Variants in TINAG observed in about 807,000 individuals in gnomAD.
The protein encoded by TINAG is tubulointerstitial nephritis antigen.
Under a neutral mutation model 72.7 loss-of-function variants are expected in TINAG, and 83 were observed. The ratio of observed to expected loss-of-function variants is 1.14; its 90% CI spans 0.96 to 1.37. The LOEUF (loss-of-function observed/expected upper bound fraction) is 1.37, where lower values mean the gene tolerates loss of function less well. Ranked by LOEUF, TINAG falls within the 40% of genes most tolerant of loss-of-function variation. TINAG has a pLI of 0.00. For missense variants in TINAG, 685 were observed against 576.6 expected (o/e 1.19, Z -1.93); for synonymous variants, 234 against 189.9 (o/e 1.23, Z -1.91).
chr6:54,317,897 CATTACCAA>C (rs1208515827), intron 1 of TINAG, among the ~76,000 whole-genome samples: 7 of 152,152 alleles, frequency 4.6e-5, no homozygotes, highest in African/African-American at 1.7e-4. Flanking sequence ...GCAATTCCTA[CATTACCAA>C]ATGCAATATT....
intron 9 of TINAG, among the ~76,000 whole-genome samples, chr6:54,361,110 A>C (rs191288308): frequency 1.3e-5 from 2 of 151,090 alleles, no homozygotes; most frequent in African/African-American, 4.8e-5. Context: ...TTGATTGTTA[A>C]ATATTGTGTA....
Position 54,321,398 on chromosome 6 carries a change from C to A in TINAG, c.509+12C>A, listed in dbSNP as rs778251912. 32 of 1,590,228 alleles carry A rather than the reference C, an allele frequency of 2.0e-5. No homozygotes were observed. The East Asian group carries it at 4.5e-4, about 22-fold the overall frequency. The stretch of plus-strand genomic sequence containing the variant: ...AAAGGAGACTATGGGTGAGAGAAAT[C>A]TTGCTTTGTATGTTTCTTGACACTG... On this transcript the variant is annotated intron_variant, in intron 3 of 10. Coordinates refer to ENST00000259782, the MANE Select transcript of TINAG (RefSeq NM_014464.4).
rs147565089 is a variant in TINAG at position 54,352,534 on chromosome 6, A to G, written c.1126+1137A>G. 1.3e-3 allele frequency among the ~76,000 whole-genome samples: 201 copies of G among 151,834 alleles called. 2 individuals are homozygous for G. The highest frequency in any genetic ancestry group is 4.3e-3 in the African/African-American group (178 of 41,488). On this transcript the variant is annotated intron_variant, in intron 8 of 10. Transcript: ENST00000259782. ...TTGTTGGTTATTTGAAGAGTGAGGG[A>G]ATTAATCTCTAATTTCAATGCATGC...
rs142670394 is a variant in TINAG at position 54,310,839 on chromosome 6, C to T, written c.355+1934C>T. Among the ~76,000 whole-genome samples the T allele has an allele frequency of 5.9e-3, 770 of 131,136 alleles. 4 individuals are homozygous for T. The highest frequency in any genetic ancestry group is 0.023 in the Middle Eastern group (5 of 220). The allele number at this position is 131,136 out of a possible 152,430, so 86.0% of individuals were successfully genotyped here. A position where few individuals can be genotyped will look rare whatever the true frequency, so the allele number is the denominator to read the frequency against. On this transcript the variant is annotated intron_variant, in intron 1 of 10. Coordinates refer to ENST00000259782, the MANE Select transcript of TINAG (RefSeq NM_014464.4). The stretch of plus-strand genomic sequence containing the variant: ...CCCTCTTTCTTTCTCTTTCTTTTTT[C>T]TCTCTCTCTTTCTCTCGCTCTTTCT...
chr6:54,319,138 C>A (rs900741037), intron 1 of TINAG, among the ~76,000 whole-genome samples: 4 of 152,036 alleles, frequency 2.6e-5, no homozygotes, highest in Non-Finnish European at 5.9e-5. Context: ...ATATGTTGAA[C>A]ACTCAAGATT....
chr6:54,367,733 T>C (rs1763476842), intron 9 of TINAG, among the ~76,000 whole-genome samples: 1 of 151,870 alleles, frequency 6.6e-6, no homozygotes, highest in African/African-American at 2.4e-5. Context: ...TCATTATGCA[T>C]TGAAAGCTGT....
intron 7 of TINAG, 85 bp downstream of exon 7, chr6:54,349,981 A>G (rs3736350): frequency 1.2e-6 from 1 of 803,134 alleles, no homozygotes; most frequent in African/African-American, 1.8e-5. Context: ...TTAAAAACTA[A>G]TTAAAACTAT....
At chr6:54,325,238 C>T (rs1036242983) in intron 3 of TINAG, among the ~76,000 whole-genome samples, 1 of 152,228 alleles carries the variant, frequency 6.6e-6, no homozygotes, top group African/African-American at 2.4e-5. Flanking sequence ...ACAAATGGCA[C>T]ATGCCAAAGT....
intron 4 of TINAG, among the ~76,000 whole-genome samples, chr6:54,339,332 T>C (rs995103317): frequency 1.3e-5 from 2 of 152,218 alleles, no homozygotes; most frequent in African/African-American, 4.8e-5. Context: ...TGTCCTTCCA[T>C]TGCCCAGCAC....
intron 4 of TINAG, among the ~76,000 whole-genome samples, chr6:54,330,444 A>G (rs925137530): frequency 2.6e-5 from 4 of 152,240 alleles, no homozygotes; most frequent in African/African-American, 9.6e-5. Context: ...TCTCTGGGAC[A>G]CAGCTAAAAC....
chr6:54,380,698 T>A (rs1763920118), intron 10 of TINAG, 127 bp downstream of exon 10: 11 of 579,870 alleles, frequency 1.9e-5, no homozygotes, highest in Non-Finnish European at 2.3e-5. Context: ...ATAACATCAG[T>A]GTTTTCGCCA....
chr6:54,310,847 C>A (rs1481959142), intron 1 of TINAG, among the ~76,000 whole-genome samples: 14 of 144,514 alleles, frequency 9.7e-5, no homozygotes, highest in South Asian at 6.6e-4. Flanking sequence ...TTCTCTCTCT[C>A]TTTCTCTCGC....
At chr6:54,319,927 T>A (rs1191771624) in intron 1 of TINAG, among the ~76,000 whole-genome samples, 1 of 152,150 alleles carries the variant, frequency 6.6e-6, no homozygotes, top group Non-Finnish European at 1.5e-5. Flanking sequence ...TACTAGTGGT[T>A]TTTATATGAT....
intron 1 of TINAG, among the ~76,000 whole-genome samples, chr6:54,310,576 TTCTTC>T (rs1355327594): frequency 6.7e-6 from 1 of 149,146 alleles, no homozygotes; most frequent in African/African-American, 2.5e-5. Context: ...CCCTCTCTCT[TTCTTC>T]TCTTCTTTCT....
intron 4 of TINAG, among the ~76,000 whole-genome samples, chr6:54,338,299 C>T (rs923849956): frequency 4.6e-5 from 7 of 152,146 alleles, no homozygotes; most frequent in African/African-American, 1.7e-4. Flanking sequence ...TTATTTTCTT[C>T]TCTATGAAGA....
At chr6:54,321,880 A>T (rs1163991701) in intron 3 of TINAG, among the ~76,000 whole-genome samples, 2 of 152,168 alleles carry the variant, frequency 1.3e-5, no homozygotes, top group African/African-American at 4.8e-5. Context: ...CAAAAGACAG[A>T]TTGAGCTACT....
intron 4 of TINAG, among the ~76,000 whole-genome samples, chr6:54,337,550 G>C (rs1784895940): frequency 1.3e-5 from 2 of 152,108 alleles, no homozygotes; most frequent in South Asian, 2.1e-4. Context: ...CATTGTGCCA[G>C]GCTGGGATTT....
At chr6:54,342,182 T>C (rs1785012637) in intron 4 of TINAG, among the ~76,000 whole-genome samples, 1 of 152,044 alleles carries the variant, frequency 6.6e-6, no homozygotes, top group African/African-American at 2.4e-5. Flanking sequence ...TTTAGAAAAG[T>C]TTGGGAAATA....
rs759015454 is a variant in TINAG, at chr6:54,354,589, A to G, written c.1203A>G (p.Glu401=). The G allele has an allele frequency of 6.2e-7, 1 of 1,611,124 alleles. No individual in the cohort carries two copies. Among genetic ancestry groups the G allele is most frequent in the African/African-American group, 1.3e-5 (1 of 74,846 alleles). ...IYRHVTSTNK[E]SEKYRKLQTH... The stretch of plus-strand genomic sequence containing the variant: ...GACATGTTACCAGCACAAATAAAGA[A>G]TCAGAAAAATATCGAAAGCTTCAGA... Residue 401 remains glutamate, a synonymous_variant, in exon 9 of 11, where the codon GAA becomes GAG. Coordinates refer to ENST00000259782, the MANE Select transcript of TINAG (RefSeq NM_014464.4).
Sources: gnomAD v4.1 joint callset for allele counts (sites outside exome capture counted in the v4.1 genomes callset) on GRCh38, gnomAD v4.1.1 for gene constraint, MANE v1.5 for transcripts, NCBI Gene and HGNC (gene_info 2026-07-23, HGNC 2026-07-21) for gene names.